The following SNTG2 variants were observed in gnomAD, a reference collection of about 807,000 sequenced individuals.
The protein encoded by SNTG2 is gamma-2-syntrophin.
SNTG2 carries 74 observed loss-of-function variants against 70.9 expected under a neutral mutation model. That is an observed-to-expected ratio of 1.04 (90% CI 0.86 to 1.27). The LOEUF is 1.27. SNTG2 is among the 50% of genes most tolerant of loss of function. The pLI is 0.00. For synonymous variants in SNTG2, 278 were observed against 273.8 expected, an observed-to-expected ratio of 1.02 and a Z score of -0.15; for missense variants, 717 against 690.7, an observed-to-expected ratio of 1.04 and a Z score of -0.43.
intron 1 of SNTG2, among the ~76,000 whole-genome samples, chr2:1,066,074 AC>A (rs1476211488): frequency 6.6e-6 from 1 of 152,228 alleles, no homozygotes; most frequent in Non-Finnish European, 1.5e-5. Flanking sequence ...CTAGGCTCAC[AC>A]ACATTTTTAT....
At chr2:1,294,571 A>T (rs1680122630) in intron 14 of SNTG2, among the ~76,000 whole-genome samples, 1 of 152,216 alleles carries the variant, frequency 6.6e-6, no homozygotes, top group Non-Finnish European at 1.5e-5. Context: ...AGATTAAAGA[A>T]ATCTCCAATC....
intron 14 of SNTG2, among the ~76,000 whole-genome samples, chr2:1,293,281 T>TA (rs1385528031): frequency 6.6e-6 from 1 of 152,036 alleles, no homozygotes; most frequent in Non-Finnish European, 1.5e-5. Context: ...ATTGCCATTT[T>TA]AAAAAATATT....
chr2:1,266,002 AC>A (rs1266062265), intron 13 of SNTG2, among the ~76,000 whole-genome samples: 1 of 152,070 alleles, frequency 6.6e-6, no homozygotes, highest in Non-Finnish European at 1.5e-5. Flanking sequence ...GGATCTGTGG[AC>A]CAGTAAATGA....
At position 1,316,325 on chromosome 2, in the gene SNTG2, CG is replaced by C; in HGVS notation, c.1439del (p.Arg480GlnfsTer2). On this transcript the variant is annotated frameshift_variant, in exon 16 of 17. Coordinates refer to ENST00000308624, the MANE Select transcript of SNTG2 (RefSeq NM_018968.4). LOFTEE classifies it low-confidence loss of function (END_TRUNC). ...LKGSSDDGKTRVKLLFQNLDT... is the reference protein window; with the variant it reads ...LKGSSDDGKTXVKLLFQNLDT... ...GGGATCTTCAGATGATGGGAAAACT[CG>C]AGTAAAGCTGCTGTTTCAGAATCTG... 1.3e-6 allele frequency: 2 copies of C among 1,550,496 alleles called. No homozygotes were observed. Among genetic ancestry groups the C allele is most frequent in the Non-Finnish European group, 1.7e-6 (2 of 1,146,172 alleles).
intron 13 of SNTG2, among the ~76,000 whole-genome samples, chr2:1,263,404 T>A (rs1344955257): frequency 3.9e-5 from 6 of 152,196 alleles, no homozygotes; most frequent in Non-Finnish European, 8.8e-5. Flanking sequence ...CAAAACATAG[T>A]AATAAGTTTA....
chr2:1,061,090 C>CA (rs112755940), intron 1 of SNTG2, among the ~76,000 whole-genome samples: 159 of 150,628 alleles, frequency 1.1e-3, no homozygotes, highest in African/African-American at 3.5e-3. Context: ...CCCATGTTTC[C>CA]AAAAAAAAAG....
intron 8 of SNTG2, 65 bp downstream of exon 8, chr2:1,173,248 C>T (rs140939900): frequency 4.9e-6 from 7 of 1,419,312 alleles, no homozygotes; most frequent in East Asian, 4.6e-5. Context: ...GAGATAATCT[C>T]TAGACAGAAT....
chr2:1,253,883 T>G (rs1677901117), intron 12 of SNTG2, among the ~76,000 whole-genome samples: 1 of 151,746 alleles, frequency 6.6e-6, no homozygotes, highest in Non-Finnish European at 1.5e-5. Context: ...TGTCACACTT[T>G]TAAACAATCA....
intron 16 of SNTG2, chr2:1,341,553 T>G (rs573058725): frequency 1.3e-5 from 2 of 152,370 alleles, no homozygotes; most frequent in Admixed American, 1.3e-4. Flanking sequence ...AAGTCTGGGC[T>G]TGGTGGCTGC....
intron 4 of SNTG2, among the ~76,000 whole-genome samples, chr2:1,103,710 G>T (rs1267889242): frequency 6.6e-6 from 1 of 152,106 alleles, no homozygotes; most frequent in Non-Finnish European, 1.5e-5. Flanking sequence ...TTCTACCAAT[G>T]ATCCATTTGA....
intron 14 of SNTG2, among the ~76,000 whole-genome samples, chr2:1,272,403 C>G (rs376737924): frequency 2.5e-4 from 36 of 142,744 alleles, no homozygotes; most frequent in African/African-American, 9.0e-4. Context: ...GGTGGTAATG[C>G]TCACTAACCC....
chr2:1,311,630 T>C (rs574531754), intron 15 of SNTG2, among the ~76,000 whole-genome samples: 1 of 152,318 alleles, frequency 6.6e-6, no homozygotes, highest in Middle Eastern at 3.4e-3. Flanking sequence ...ATATGATGAA[T>C]GATATGATGA....
At chr2:963,465 A>G (rs2147947961) in intron 1 of SNTG2, among the ~76,000 whole-genome samples, 1 of 152,328 alleles carries the variant, frequency 6.6e-6, no homozygotes, top group East Asian at 1.9e-4. Context: ...TCCACGCTTT[A>G]CACACTTATA....
chr2:1,357,247 G>A (rs1272074177), intron 16 of SNTG2, among the ~76,000 whole-genome samples: 2 of 152,148 alleles, frequency 1.3e-5, no homozygotes, highest in African/African-American at 4.8e-5. Flanking sequence ...AAAGATTTCA[G>A]CCTCTCACCA....
At chr2:1,031,353 C>T (rs554669753) in intron 1 of SNTG2, among the ~76,000 whole-genome samples, 1 of 151,638 alleles carries the variant, frequency 6.6e-6, no homozygotes, top group South Asian at 2.1e-4. Context: ...AGGGAACAGT[C>T]CTCAGAGTGT....
chr2:1,187,070 A>G (rs2147929318), intron 8 of SNTG2, among the ~76,000 whole-genome samples: 1 of 152,350 alleles, frequency 6.6e-6, no homozygotes, highest in African/African-American at 2.4e-5. Context: ...TCACCCATCA[A>G]GGTGTCTGAA....
chr2:1,310,345 C>T (rs552803699), intron 15 of SNTG2, among the ~76,000 whole-genome samples: 1 of 152,306 alleles, frequency 6.6e-6, no homozygotes, highest in South Asian at 2.1e-4. Flanking sequence ...AGGCCCTTCC[C>T]AGCCAGCGCC....
chr2:1,201,464 C>A (rs1274833451), intron 8 of SNTG2, among the ~76,000 whole-genome samples: 1 of 151,612 alleles, frequency 6.6e-6, no homozygotes, highest in African/African-American at 2.4e-5. Flanking sequence ...GGGATAAGTT[C>A]TATTGTTAAC....
intron 4 of SNTG2, among the ~76,000 whole-genome samples, chr2:1,125,731 A>G (rs1667657450): frequency 7.8e-6 from 1 of 128,494 alleles, no homozygotes. Context: ...CAATTGAGAA[A>G]CTTTTTCTCT....
Sources: gnomAD v4.1 joint callset for allele counts (sites outside exome capture counted in the v4.1 genomes callset) on GRCh38, gnomAD v4.1.1 for gene constraint, MANE v1.5 for transcripts, NCBI Gene and HGNC (gene_info 2026-07-23, HGNC 2026-07-21) for gene names.